The following GALNTL6 variants were observed in gnomAD, a reference collection of about 807,000 sequenced individuals.
GALNTL6 encodes the protein polypeptide N-acetylgalactosaminyltransferase-like 6.
Under a neutral mutation model 73.7 loss-of-function variants are expected in GALNTL6, and 46 were observed. That is an observed-to-expected ratio of 0.62 (90% CI 0.49 to 0.80). The LOEUF is 0.80. GALNTL6 is among the 30% of genes least tolerant of loss of function. The pLI, the probability that GALNTL6 is intolerant of heterozygous loss-of-function variation, is 0.00. For missense variants in GALNTL6, 604 were observed against 755.0 expected (o/e 0.80, Z 2.34); for synonymous variants, 259 against 263.7 (o/e 0.98, Z 0.17).
intron 5 of GALNTL6, among the ~76,000 whole-genome samples, chr4:172,727,725 G>A (rs1183749076): frequency 6.6e-6 from 1 of 151,870 alleles, no homozygotes; most frequent in Non-Finnish European, 1.5e-5. Context: ...ACCATTATGT[G>A]TATTAATAAG....
chr4:172,262,859 A>C (rs938187255), intron 3 of GALNTL6, among the ~76,000 whole-genome samples: 5 of 151,554 alleles, frequency 3.3e-5, no homozygotes, highest in African/African-American at 1.2e-4. Context: ...AAAAAGTTTT[A>C]TCTCTCCTTC....
chr4:172,677,034 C>G (rs186667922), intron 5 of GALNTL6, among the ~76,000 whole-genome samples: 113 of 152,314 alleles, frequency 7.4e-4, no homozygotes, highest in Middle Eastern at 3.4e-3. Flanking sequence ...GTTAGGCTCA[C>G]AGGATCAACT....
At chr4:172,344,925 C>T (rs769485789) in intron 4 of GALNTL6, among the ~76,000 whole-genome samples, 1 of 152,128 alleles carries the variant, frequency 6.6e-6, no homozygotes, top group Non-Finnish European at 1.5e-5. Flanking sequence ...CCTAGTTCCA[C>T]GTCTTCTTCC....
At chr4:171,901,130 T>C (rs1737078806) in intron 2 of GALNTL6, among the ~76,000 whole-genome samples, 1 of 152,132 alleles carries the variant, frequency 6.6e-6, no homozygotes, top group Non-Finnish European at 1.5e-5. Flanking sequence ...GCAGTGATCA[T>C]ACTAGGCCTA....
At chr4:172,417,410 A>G (rs1579052758) in intron 5 of GALNTL6, among the ~76,000 whole-genome samples, 1 of 152,056 alleles carries the variant, frequency 6.6e-6, no homozygotes, top group African/African-American at 2.4e-5. Flanking sequence ...TTGTCTGTTT[A>G]TACTTGGGAT....
chr4:172,710,560 CG>C (rs939866515), intron 5 of GALNTL6, among the ~76,000 whole-genome samples: 100 of 152,196 alleles, frequency 6.6e-4, no homozygotes, highest in African/African-American at 2.2e-3. Flanking sequence ...TATTTTAACT[CG>C]ATCAGTTAAA....
intron 5 of GALNTL6, among the ~76,000 whole-genome samples, chr4:172,552,856 A>C (rs1470701248): frequency 7.0e-6 from 1 of 141,984 alleles, no homozygotes; most frequent in Non-Finnish European, 1.6e-5. Context: ...AAAAAAAAAA[A>C]AGGTAAAAAC....
chr4:172,280,617 G>T (rs1478241001), intron 3 of GALNTL6, among the ~76,000 whole-genome samples: 4 of 151,678 alleles, frequency 2.6e-5, no homozygotes, highest in African/African-American at 9.7e-5. Context: ...CAGTTTCCTA[G>T]ATTTTAAATG....
chr4:172,423,426 C>G (rs573787240), intron 5 of GALNTL6, among the ~76,000 whole-genome samples: 1 of 151,926 alleles, frequency 6.6e-6, no homozygotes, highest in East Asian at 1.9e-4. Flanking sequence ...TCATTACTGC[C>G]GCAGTCAGTA....
intron 2 of GALNTL6, among the ~76,000 whole-genome samples, chr4:171,871,957 A>G (rs1399108159): frequency 6.6e-6 from 1 of 152,228 alleles, no homozygotes; most frequent in African/African-American, 2.4e-5. Flanking sequence ...CTCCACAATG[A>G]TGTTGTCCAT....
At chr4:172,800,468 A>C (rs73869669) in intron 5 of GALNTL6, among the ~76,000 whole-genome samples, 1,857 of 152,272 alleles carry the variant, frequency 0.012, 39 homozygotes, top group African/African-American at 0.041. Flanking sequence ...GTAAAGCCTT[A>C]ATAGTATCTT....
intron 5 of GALNTL6, among the ~76,000 whole-genome samples, chr4:172,716,196 A>G (rs921036196): frequency 6.6e-6 from 1 of 152,058 alleles, no homozygotes; most frequent in African/African-American, 2.4e-5. Flanking sequence ...TGACCATCCT[A>G]TGCACATCCT....
intron 5 of GALNTL6, among the ~76,000 whole-genome samples, chr4:172,629,553 T>A (rs905426128): frequency 3.3e-4 from 50 of 152,312 alleles, no homozygotes; most frequent in African/African-American, 1.2e-3. Flanking sequence ...AAATTTCTAA[T>A]TACATTTTTA....
chr4:172,883,848 A>G (rs546001988), intron 8 of GALNTL6, among the ~76,000 whole-genome samples: 3 of 151,224 alleles, frequency 2.0e-5, no homozygotes, highest in African/African-American at 7.3e-5. Context: ...CCTCCATTAG[A>G]CCAACTTGTT....
chr4:171,914,787 A>AG (rs1477071571), intron 2 of GALNTL6, among the ~76,000 whole-genome samples: 1 of 151,716 alleles, frequency 6.6e-6, no homozygotes, highest in African/African-American at 2.4e-5. Flanking sequence ...TGATAAAAAA[A>AG]AAAAAACTAT....
rs1457642178 is a variant in GALNTL6, at chr4:171,864,151, G to A, written c.138+49433G>A. ...ATTATTTGTGAAAATATAAAATTTTGTAAGTACTTTAACATTCTCACTCTT... is the reference window on the plus strand; with the variant it reads ...ATTATTTGTGAAAATATAAAATTTTATAAGTACTTTAACATTCTCACTCTT... On this transcript the variant is annotated intron_variant, in intron 2 of 12. Coordinates refer to ENST00000506823, the MANE Select transcript of GALNTL6 (RefSeq NM_001034845.3). Among the ~76,000 whole-genome samples the A allele has an allele frequency of 2.0e-5, 3 of 152,064 alleles. No individual in the cohort carries two copies. In the East Asian group the frequency reaches 5.8e-4, roughly 29 times the overall value.
intron 5 of GALNTL6, among the ~76,000 whole-genome samples, chr4:172,396,238 A>T (rs1451214824): frequency 1.3e-5 from 2 of 151,154 alleles, no homozygotes; most frequent in Non-Finnish European, 2.9e-5. Flanking sequence ...CCTGAGTGTT[A>T]CTCTTCATGT....
intron 10 of GALNTL6, among the ~76,000 whole-genome samples, chr4:173,004,670 A>C (rs1752196797): frequency 1.3e-5 from 2 of 152,210 alleles, no homozygotes; most frequent in African/African-American, 2.4e-5. Flanking sequence ...AATCAACTAT[A>C]GTCCATAAAA....
In GALNTL6 at chr4:172,573,738, G is replaced by A. The variant is rs545972589; in HGVS notation, c.553+225049G>A. On this transcript the variant is annotated intron_variant, in intron 5 of 12. Transcript: ENST00000506823. ...TGGTTAACCCACAGTTTTCAAGCAT[G>A]ACCAGGGCTATATCTATACATATAA... Among the ~76,000 whole-genome samples, 4 of 152,266 alleles carry A rather than the reference G, an allele frequency of 2.6e-5. No individual in the cohort carries two copies. The East Asian group carries it at 7.7e-4, about 29-fold the overall frequency.
Sources: gnomAD v4.1 joint callset for allele counts (sites outside exome capture counted in the v4.1 genomes callset) on GRCh38, gnomAD v4.1.1 for gene constraint, MANE v1.5 for transcripts, NCBI Gene and HGNC (gene_info 2026-07-23, HGNC 2026-07-21) for gene names.